Variants in SALL2 observed in about 807,000 individuals in gnomAD.
The protein encoded by SALL2 is spalt like transcription factor 2, also known as sal-like protein 2.
SALL2 carries 32 observed loss-of-function variants against 58.5 expected under a neutral mutation model. The ratio of observed to expected loss-of-function variants is 0.55; its 90% CI spans 0.41 to 0.74. SALL2 has a LOEUF of 0.74. Ranked by LOEUF, SALL2 falls within the 30% of genes least tolerant of loss-of-function variation. The pLI is 0.00. For missense variants in SALL2, 1,201 were observed against 1,268.9 expected (o/e 0.95, Z 0.81); for synonymous variants, 516 against 513.6 (o/e 1.00, Z -0.06).
Position 21,521,561 on chromosome 14 carries a change from G to C in SALL2, c.*1143C>G. ...ACTATTAGCCCAAAAGAATATTAAC[G>C]AGAATGTCCAGACATTCACAAGAAT... On this transcript the variant is annotated 3_prime_UTR_variant, in exon 2 of 2. Coordinates refer to ENST00000537235, the MANE Select transcript of SALL2 (RefSeq NM_001364564.1). 8.3e-6 allele frequency: 1 copy of C among 119,788 alleles called. No homozygotes were observed. Among genetic ancestry groups the C allele is most frequent in the South Asian group, 1.9e-4 (1 of 5,158 alleles). The allele number at this position is 119,788 out of a possible 1,614,324, so 7.4% of individuals were successfully genotyped here.
Position 21,521,700 on chromosome 14 carries a change from A to G in SALL2, c.*1004T>C. The G allele has an allele frequency of 3.3e-6, 1 of 305,372 alleles. No homozygotes were observed. Among genetic ancestry groups the G allele is most frequent in the Non-Finnish European group, 6.2e-6 (1 of 161,498 alleles). The allele number at this position is 305,372 out of a possible 1,614,324, so 18.9% of individuals were successfully genotyped here. ...CATCATTAGTTCATCAACCATGCTGACCAAAAATGCTCCTTAAAGATACGA... is the reference window on the plus strand; with the variant it reads ...CATCATTAGTTCATCAACCATGCTGGCCAAAAATGCTCCTTAAAGATACGA... On this transcript the variant is annotated 3_prime_UTR_variant, in exon 2 of 2. Transcript: ENST00000537235.
chr14:21,526,181 T>C lies in SALL2; in HGVS notation c.-54A>G, dbSNP rs1892302404. On this transcript the variant is annotated 5_prime_UTR_variant, in exon 1 of 2. Coordinates refer to ENST00000537235, the MANE Select transcript of SALL2 (RefSeq NM_001364564.1). Reference sequence around the variant, plus strand: ...GGGTGGGAGACAATGGATATTGGGATTGAGGGAGGCGATGGCCGCTGGGTC... The same window carrying C: ...GGGTGGGAGACAATGGATATTGGGACTGAGGGAGGCGATGGCCGCTGGGTC... The C allele has an allele frequency of 6.5e-7, 1 of 1,531,732 alleles. No homozygotes were observed. 94.9% of individuals were successfully genotyped at this position (1,531,732 alleles called of 1,614,324 possible).
chr14:21,537,039 T>A (rs764932425), exon 1 of SALL2: 31 of 761,818 alleles, frequency 4.1e-5, no homozygotes, highest in Non-Finnish European at 6.5e-5. Flanking sequence ...CCAGCGCAAA[T>A]CACTGTGAAG....
Position 21,525,146 on chromosome 14 carries a change from G to C in SALL2, c.576C>G (p.Ile192Met). ...EELRVLQQRQ[I>M]HQMQMTEQIC... Reference sequence around the variant, plus strand: ...TTTGCTCAGTCATCTGCATCTGATGGATCTGCCGCTGCTGCAGCACCCGTA... The same window carrying C: ...TTTGCTCAGTCATCTGCATCTGATGCATCTGCCGCTGCTGCAGCACCCGTA... Residue 192 changes from isoleucine to methionine, a missense_variant, in exon 2 of 2, where the codon ATC (isoleucine) becomes ATG (methionine). Physicochemically the swap from Ile to Met is conservative, Grantham distance 10. Coordinates refer to ENST00000537235, the MANE Select transcript of SALL2 (RefSeq NM_001364564.1). The surrounding 1 kb of genome is among the most constrained non-coding windows in gnomAD (Gnocchi z 4.4). The C allele has an allele frequency of 6.2e-7, 1 of 1,614,044 alleles. No homozygotes were observed.
exon 1 of SALL2, chr14:21,536,990 G>A: frequency 7.1e-7 from 1 of 1,417,806 alleles, no homozygotes; most frequent in Admixed American, 1.7e-5. Flanking sequence ...ACCTGGTCTC[G>A]TCTCCCCCTT....
intron 1 of SALL2, among the ~76,000 whole-genome samples, chr14:21,531,816 G>A (rs1037670390): frequency 3.4e-5 from 5 of 148,952 alleles, no homozygotes; most frequent in Non-Finnish European, 4.4e-5. Context: ...TGCAATCTCC[G>A]CCTCCTGGGT....
rs1414002061 is a variant in SALL2, at chr14:21,523,608, T to G, written c.2114A>C (p.Gln705Pro). Residue 705 changes from glutamine to proline, a missense_variant, in exon 2 of 2, where the codon CAG (glutamine) becomes CCG (proline). Physicochemically the swap from Gln to Pro is moderately conservative, Grantham distance 76. Transcript: ENST00000537235. The surrounding 1 kb of genome is among the most constrained non-coding windows in gnomAD (Gnocchi z 4.4). Reference sequence around the variant, plus strand: ...CCCCAGGTGCATCCGGACATGCTGCTGCAGAGTGACAGCATTGGTGAACTT... The same window carrying G: ...CCCCAGGTGCATCCGGACATGCTGCGGCAGAGTGACAGCATTGGTGAACTT... ...QKKFTNAVTL[Q>P]QHVRMHLGGQ... 6.2e-7 allele frequency: 1 copy of G among 1,614,134 alleles called. No individual in the cohort carries two copies. The highest frequency in any genetic ancestry group is 1.3e-5 in the African/African-American group (1 of 74,954).
At chr14:21,528,335 T>C (rs1276528223), upstream of SALL2, among the ~76,000 whole-genome samples, 1 of 152,206 alleles carries the variant, frequency 6.6e-6, no homozygotes, top group Non-Finnish European at 1.5e-5. Context: ...AGGTAAGATA[T>C]TGGCTAATAT....
intron 1 of SALL2, 53 bp downstream of exon 1, chr14:21,526,008 T>C: frequency 8.0e-6 from 7 of 879,038 alleles, no homozygotes; most frequent in African/African-American, 1.7e-5. Flanking sequence ...TCGCCGCCCC[T>C]GCGCATCCCC....
chr14:21,526,158 G>C lies in SALL2; in HGVS notation c.-31C>G, dbSNP rs1382841180. 6.5e-7 allele frequency: 1 copy of C among 1,538,244 alleles called. No homozygotes were observed. The highest frequency in any genetic ancestry group is 2.4e-5 in the East Asian group (1 of 41,050). ...TGGGGGAAGTGGAGGGCCAGGTGGG[G>C]TGGGAGACAATGGATATTGGGATTG... is the stretch of plus-strand genomic sequence containing the variant. On this transcript the variant is annotated 5_prime_UTR_variant, in exon 1 of 2. Transcript: ENST00000537235.
intron 1 of SALL2, among the ~76,000 whole-genome samples, chr14:21,536,025 C>T (rs967909521): frequency 2.0e-5 from 3 of 152,182 alleles, no homozygotes; most frequent in African/African-American, 4.8e-5. Context: ...GCTTCTGTCT[C>T]TCAGACTCTG....
rs1015299436 is a variant in SALL2 at position 21,523,914 on chromosome 14, A to G, written c.1808T>C (p.Val603Ala). The change falls in exon 2 of 2, where the codon GTG becomes GCG. Residue 603 changes from valine to alanine, a missense_variant. Val to Ala is a moderately conservative substitution (Grantham distance 64, BLOSUM62 0). This residue lies in a region of SALL2 where 675 missense variants were observed against 683.8 expected (regional missense o/e 0.99). Coordinates refer to ENST00000537235, the MANE Select transcript of SALL2 (RefSeq NM_001364564.1). This position sits in a 1 kb window ranked among gnomAD's most constrained non-coding sequence, Gnocchi z 4.4. The stretch of plus-strand genomic sequence containing the variant: ...TCCTGAGGCAGCTGAGGTCACCGCC[A>G]CAGCTCCTTGCCGGTCAATCTTTTC... The part of the protein sequence containing the change: ...LVEKIDRQGA[V>A]AVTSAASGAP... 3.7e-6 allele frequency: 6 copies of G among 1,614,072 alleles called. No homozygotes were observed. Among genetic ancestry groups the G allele is most frequent in the Non-Finnish European group, 5.1e-6 (6 of 1,180,046 alleles).
chr14:21,521,222 C>G lies in SALL2; in HGVS notation c.*1482G>C, dbSNP rs1892015408. On this transcript the variant is annotated 3_prime_UTR_variant, in exon 2 of 2. Coordinates refer to ENST00000537235, the MANE Select transcript of SALL2 (RefSeq NM_001364564.1). ...AAGTCAGTCAATAGCAAAACCCTCA[C>G]TCTCTCCTCCTCAGAACTCCTGTTC... The G allele has an allele frequency of 2.0e-5, 3 of 152,220 alleles. 1 individual carries two copies. The allele number at this position is 152,220 out of a possible 1,614,324, so 9.4% of individuals were successfully genotyped here. A position where few individuals can be genotyped will look rare whatever the true frequency, so the allele number is the denominator to read the frequency against.
rs1249929100 is a variant in SALL2 at position 21,522,086 on chromosome 14, C to T, written c.*618G>A. ...GAAATAGGAGGGGGGCTGTCTTCTC[C>T]TTGGCTTCCCTGGATCCCATTGTTG... On this transcript the variant is annotated 3_prime_UTR_variant, in exon 2 of 2. Transcript: ENST00000537235. 8 of 1,597,666 alleles carry T rather than the reference C, an allele frequency of 5.0e-6. No individual in the cohort carries two copies. Among genetic ancestry groups the T allele is most frequent in the Non-Finnish European group, 5.9e-6 (7 of 1,179,590 alleles).
At chr14:21,529,624 A>G (rs184172152), upstream of SALL2, among the ~76,000 whole-genome samples, 439 of 151,814 alleles carry the variant, frequency 2.9e-3, 2 homozygotes, top group Non-Finnish European at 3.6e-3. Flanking sequence ...CTCCATCTCA[A>G]AATCTCAAAA....
Position 21,525,107 on chromosome 14 carries a change from C to T in SALL2, c.615G>A (p.Val205=). The stretch of plus-strand genomic sequence containing the variant: ...TCTGGCCTAAGGAGCCAAGCAACAG[C>T]ACCTGCCTGCAGATTTGCTCAGTCA... ...MQMTEQICRQ[V]LLLGSLGQTV... The change falls in exon 2 of 2, where the codon GTG becomes GTA. Residue 205 remains valine (V), a synonymous_variant. Transcript: ENST00000537235. The surrounding 1 kb of genome is among the most constrained non-coding windows in gnomAD (Gnocchi z 4.4). 2 of 1,614,136 alleles carry T rather than the reference C, an allele frequency of 1.2e-6. No homozygotes were observed. The highest frequency in any genetic ancestry group is 2.7e-5 in the African/African-American group (2 of 75,032).
intron 1 of SALL2, 30 bp downstream of exon 1, chr14:21,526,031 C>G: frequency 6.6e-7 from 1 of 1,518,218 alleles, no homozygotes. Context: ...CCGCCCCCAC[C>G]CCTGCCCAGC....
chr14:21,531,178 G>A (rs1892451996), upstream of SALL2, among the ~76,000 whole-genome samples: 1 of 152,170 alleles, frequency 6.6e-6, no homozygotes, highest in Admixed American at 6.5e-5. Context: ...TTCCAGAACA[G>A]GAATATCTTA....
chr14:21,525,637 C>A lies in SALL2; in HGVS notation c.85G>T (p.Asp29Tyr). The change falls in exon 2 of 2, where the codon GAT becomes TAT. Residue 29 changes from aspartate to tyrosine, a missense_variant. Physicochemically the swap from Asp to Tyr is radical, Grantham distance 160 (BLOSUM62 -3). Around this residue, in one of 3 missense-constraint regions of SALL2, gnomAD observed 467 missense variants for 468.9 expected, o/e 1.00. Transcript: ENST00000537235. This position sits in a 1 kb window ranked among gnomAD's most constrained non-coding sequence, Gnocchi z 4.4. ...CACTTGGCACAGACTTGGGGGTGAT[C>A]CTCCTCGCTAGCATCACCTGGGGAG... is the stretch of plus-strand genomic sequence containing the variant. Reference protein sequence around the residue: ...AELGGDASEEDHPQVCAKCCA... With the variant: ...AELGGDASEEYHPQVCAKCCA... The A allele has an allele frequency of 6.3e-7, 1 of 1,579,294 alleles. No individual in the cohort carries two copies. Among genetic ancestry groups the A allele is most frequent in the South Asian group, 1.2e-5 (1 of 85,410 alleles).
Sources: allele counts gnomAD v4.1 joint callset (sites outside exome capture counted in the v4.1 genomes callset), GRCh38; gene constraint gnomAD v4.1.1; regional missense constraint gnomAD v4.1.1; non-coding constraint Gnocchi (gnomAD v3.1); transcripts MANE v1.5; gene names NCBI Gene and HGNC (gene_info 2026-07-23, HGNC 2026-07-21).